Variants in NPAS3 observed in about 807,000 individuals in gnomAD.
The protein encoded by NPAS3 is neuronal PAS domain protein 3.
Under a neutral mutation model 73.1 loss-of-function variants are expected in NPAS3, and 14 were observed. That is an observed-to-expected ratio of 0.19 (90% CI 0.13 to 0.30). The LOEUF is 0.30. NPAS3 is among the 10% of genes least tolerant of loss of function. NPAS3 has a pLI of 1.00. For missense variants in NPAS3, 1,096 were observed against 1,250.0 expected (o/e 0.88, Z 1.86); for synonymous variants, 620 against 541.5 (o/e 1.14, Z -2.01).
chr14:33,008,247 T>C (rs1353088133), intron 1 of NPAS3, among the ~76,000 whole-genome samples: 7 of 152,180 alleles, frequency 4.6e-5, no homozygotes, highest in African/African-American at 1.4e-4. Flanking sequence ...AAAAATGAAC[T>C]ACATGTATTA....
Position 33,800,648 on chromosome 14 carries a change from T to C in NPAS3, c.2341T>C (p.Ser781Pro), listed in dbSNP as rs1240914897. ...CGCGGGGGGCGGCGGCCCCAGCGCGTCCAACTCCTTGCTGTACACTGGGGA... is the reference window on the plus strand; with the variant it reads ...CGCGGGGGGCGGCGGCCCCAGCGCGCCCAACTCCTTGCTGTACACTGGGGA... Residue 781 changes from serine to proline, a missense_variant, in exon 12 of 12, where the codon TCC (serine) becomes CCC (proline). Ser to Pro is a moderately conservative substitution (Grantham distance 74, BLOSUM62 -1). This residue lies in a region of NPAS3 where 698 missense variants were observed against 676.7 expected (regional missense o/e 1.03). Coordinates refer to ENST00000356141, the Ensembl canonical transcript of NPAS3. This position sits in a 1 kb window ranked among gnomAD's most constrained non-coding sequence, Gnocchi z 6.5. 3 of 1,496,634 alleles carry C rather than the reference T, an allele frequency of 2.0e-6. No individual in the cohort carries two copies. The highest frequency in any genetic ancestry group is 2.7e-6 in the Non-Finnish European group (3 of 1,131,168). 92.7% of individuals were successfully genotyped at this position (1,496,634 alleles called of 1,614,324 possible).
At chr14:33,050,206 A>G (rs1269688365) in intron 1 of NPAS3, among the ~76,000 whole-genome samples, 2 of 152,176 alleles carry the variant, frequency 1.3e-5, no homozygotes, top group African/African-American at 4.8e-5. Flanking sequence ...TCAAAACACT[A>G]CCATTGACAA....
At chr14:33,200,566 C>T (rs1481696762) in intron 2 of NPAS3, among the ~76,000 whole-genome samples, 3 of 140,964 alleles carry the variant, frequency 2.1e-5, no homozygotes, top group Admixed American at 6.9e-5. Flanking sequence ...ATTATTGGCA[C>T]TAAACCACAG....
At chr14:33,688,121 G>T (rs1458416889) in intron 6 of NPAS3, among the ~76,000 whole-genome samples, 2 of 152,126 alleles carry the variant, frequency 1.3e-5, no homozygotes, top group African/African-American at 2.4e-5. Flanking sequence ...ACATGTGCAG[G>T]TTACATGCAT....
chr14:33,036,629 G>A (rs1012508838), intron 1 of NPAS3, among the ~76,000 whole-genome samples: 1 of 152,072 alleles, frequency 6.6e-6, no homozygotes. Context: ...GATTAGTTTT[G>A]TGAAATACAG....
rs140440188 is a variant in NPAS3 at position 33,231,932 on chromosome 14, G to A, written c.385+16506G>A. ...ATACTAGCCTCTGTGCAAAAAGCAA[G>A]AAAAACTCAAAAATCATTTTCTATA... On this transcript the variant is annotated intron_variant, in intron 3 of 11. Transcript: ENST00000356141. 3.6e-4 allele frequency among the ~76,000 whole-genome samples: 55 copies of A among 152,206 alleles called. No individual in the cohort carries two copies. In the East Asian group the frequency reaches 0.011, roughly 29 times the overall value.
intron 3 of NPAS3, among the ~76,000 whole-genome samples, chr14:33,304,824 A>C (rs2042694738): frequency 6.6e-6 from 1 of 152,200 alleles, no homozygotes; most frequent in Non-Finnish European, 1.5e-5. Flanking sequence ...GTTCTAACAA[A>C]TATTCCAAGG....
rs952569111 is a variant in NPAS3 at position 33,481,307 on chromosome 14, C to G, written c.469-78814C>G. On this transcript the variant is annotated intron_variant, in intron 4 of 11. Coordinates refer to ENST00000356141, the Ensembl canonical transcript of NPAS3. ...TCACAAAGTATCTTCACAAGTTTAA[C>G]GGAGTCTATCAGTGCTGCTCATGTG... 3.9e-5 allele frequency among the ~76,000 whole-genome samples: 6 copies of G among 152,226 alleles called. No homozygotes were observed. In the East Asian group the frequency reaches 1.2e-3, roughly 29 times the overall value.
At chr14:33,543,524 G>A (rs2054615974) in intron 4 of NPAS3, among the ~76,000 whole-genome samples, 1 of 152,074 alleles carries the variant, frequency 6.6e-6, no homozygotes, top group African/African-American at 2.4e-5. Flanking sequence ...GGGCATAGAA[G>A]AATTCCTTGA....
upstream of NPAS3, chr14:32,935,076 G>A: frequency 1.1e-6 from 1 of 914,988 alleles, no homozygotes; most frequent in South Asian, 4.2e-5. Context: ...TTTGCCTCCT[G>A]TTTTGTGTCT....
At chr14:33,106,636 T>C (rs2042729854) in intron 2 of NPAS3, among the ~76,000 whole-genome samples, 1 of 152,196 alleles carries the variant, frequency 6.6e-6, no homozygotes, top group African/African-American at 2.4e-5. Context: ...AAAGCTGTTA[T>C]CTTTAAGTAC....
At chr14:33,668,997 A>G (rs1648384035) in intron 5 of NPAS3, among the ~76,000 whole-genome samples, 1 of 152,212 alleles carries the variant, frequency 6.6e-6, no homozygotes, top group Admixed American at 6.5e-5. Context: ...CACTCATCTC[A>G]ACATGTATCC....
At chr14:33,208,901 C>T (rs2046928214) in intron 2 of NPAS3, among the ~76,000 whole-genome samples, 1 of 152,176 alleles carries the variant, frequency 6.6e-6, no homozygotes, top group South Asian at 2.1e-4. Flanking sequence ...CAGTGATGAT[C>T]TACAGCAGCA....
intron 4 of NPAS3, among the ~76,000 whole-genome samples, chr14:33,420,465 G>A (rs2048323230): frequency 6.6e-6 from 1 of 151,790 alleles, no homozygotes; most frequent in South Asian, 2.1e-4. Context: ...GTATGTGGAT[G>A]CTCTTTATAG....
chr14:33,496,923 T>A (rs2052226622), intron 4 of NPAS3, among the ~76,000 whole-genome samples: 2 of 152,164 alleles, frequency 1.3e-5, no homozygotes, highest in African/African-American at 4.8e-5. Context: ...TGTTTACAGA[T>A]GACATGATTG....
intron 3 of NPAS3, among the ~76,000 whole-genome samples, chr14:33,284,769 TA>T: frequency 5.4e-3 from 2 of 370 alleles, no homozygotes; most frequent in South Asian, 0.12. Flanking sequence ...TATCTATATC[TA>T]TCTATCTATC....
At chr14:33,716,364 C>A (rs571071358) in intron 6 of NPAS3, among the ~76,000 whole-genome samples, 1 of 152,166 alleles carries the variant, frequency 6.6e-6, no homozygotes, top group African/African-American at 2.4e-5. Context: ...TCTTGTTTTT[C>A]CTTCTCTATG....
At chr14:33,400,767 G>C (rs989655424) in intron 4 of NPAS3, among the ~76,000 whole-genome samples, 2 of 151,930 alleles carry the variant, frequency 1.3e-5, no homozygotes, top group Non-Finnish European at 2.9e-5. Context: ...GGAGTAGTAG[G>C]GGGGCGTGGT....
At chr14:33,093,273 G>GA (rs1421854194) in intron 2 of NPAS3, among the ~76,000 whole-genome samples, 1 of 151,912 alleles carries the variant, frequency 6.6e-6, no homozygotes, top group African/African-American at 2.4e-5. Flanking sequence ...AAATTTACAA[G>GA]AAAAAAACAA....
Sources: allele counts gnomAD v4.1 joint callset (sites outside exome capture counted in the v4.1 genomes callset), GRCh38; gene constraint gnomAD v4.1.1; regional missense constraint gnomAD v4.1.1; non-coding constraint Gnocchi (gnomAD v3.1); transcripts MANE v1.5; gene names NCBI Gene and HGNC (gene_info 2026-07-23, HGNC 2026-07-21).